Variants in VPS13B observed in about 807,000 individuals in gnomAD.
VPS13B encodes the protein intermembrane lipid transfer protein VPS13B.
In VPS13B, 285 loss-of-function variants were observed where a neutral mutation model predicts 426.4. That is an observed-to-expected ratio of 0.67 (90% confidence interval 0.61 to 0.74). The LOEUF is 0.74. VPS13B is among the 30% of genes least tolerant of loss of function. VPS13B has a pLI of 0.00. For missense variants in VPS13B, 4,537 were observed against 4,782.6 expected, an observed-to-expected ratio of 0.95 and a Z score of 1.51; for synonymous variants, 1,676 against 1,676.4, an observed-to-expected ratio of 1.00 and a Z score of 0.01.
intron 29 of VPS13B, among the ~76,000 whole-genome samples, chr8:99,520,214 G>C (rs1301976278): frequency 6.6e-6 from 1 of 151,914 alleles, no homozygotes; most frequent in Non-Finnish European, 1.5e-5. Flanking sequence ...AAGGGGTCTG[G>C]GGTTCCAATT....
chr8:99,024,232 C>G (rs1842033701), intron 2 of VPS13B, among the ~76,000 whole-genome samples: 1 of 152,186 alleles, frequency 6.6e-6, no homozygotes, highest in Non-Finnish European at 1.5e-5. Flanking sequence ...GAGCAATTGC[C>G]TATTTTAAAA....
intron 34 of VPS13B, 102 bp from the exon 35 acceptor site, chr8:99,661,252 T>C: frequency 6.9e-7 from 1 of 1,443,744 alleles, no homozygotes; most frequent in East Asian, 2.3e-5. Flanking sequence ...TGCAAACAGT[T>C]ATTTAACCAG....
At chr8:99,872,103 C>G (rs926469094) in intron 61 of VPS13B, among the ~76,000 whole-genome samples, 4 of 152,146 alleles carry the variant, frequency 2.6e-5, no homozygotes, top group Non-Finnish European at 5.9e-5. Flanking sequence ...CGCAACTGCT[C>G]CACAAAGGAG....
intron 39 of VPS13B, among the ~76,000 whole-genome samples, chr8:99,726,360 T>C (rs528154579): frequency 6.6e-6 from 1 of 152,270 alleles, no homozygotes; most frequent in Admixed American, 6.5e-5. Context: ...TTTAAATGGG[T>C]CTCAATAAAA....
At chr8:99,610,581 C>G (rs574408021) in intron 33 of VPS13B, among the ~76,000 whole-genome samples, 1 of 148,742 alleles carries the variant, frequency 6.7e-6, no homozygotes, top group Non-Finnish European at 1.5e-5. Flanking sequence ...ACACCAGGGC[C>G]TGTCAGGGGG....
Position 99,832,506 on chromosome 8 carries a change from G to A in VPS13B, c.9468G>A (p.Gln3156=), listed in dbSNP as rs1423791832. 4 of 1,613,722 alleles carry A rather than the reference G, an allele frequency of 2.5e-6. No individual in the cohort carries two copies. In the Admixed American group the frequency reaches 5.0e-5, roughly 20 times the overall value. Residue 3156 remains glutamine, a synonymous_variant, in exon 52 of 62, where the codon CAG becomes CAA. Transcript: ENST00000357162. ...SQSVLDASLL[Q]KQIMLGFSPA... is the part of the protein sequence containing the mutation. ...CAGTACTGGATGCATCCCTGCTTCA[G>A]AAACAGATCATGCTGGGCTTTTCTC... is the stretch of plus-strand genomic sequence containing the variant.
intron 33 of VPS13B, among the ~76,000 whole-genome samples, chr8:99,638,114 A>G (rs1338316723): frequency 6.6e-6 from 1 of 152,088 alleles, no homozygotes; most frequent in Non-Finnish European, 1.5e-5. Context: ...ACTTATTTTG[A>G]TAACAATTAT....
At chr8:99,867,039 A>G (rs1182052804) in intron 58 of VPS13B, among the ~76,000 whole-genome samples, 1 of 152,226 alleles carries the variant, frequency 6.6e-6, no homozygotes, top group Non-Finnish European at 1.5e-5. Context: ...CTGTCAATGC[A>G]TAAACTTAAA....
chr8:99,706,563 A>G (rs886072878), intron 36 of VPS13B, among the ~76,000 whole-genome samples: 1 of 152,130 alleles, frequency 6.6e-6, no homozygotes, highest in Admixed American at 6.6e-5. Flanking sequence ...CCACCTTCAG[A>G]TCTTATCTTT....
intron 33 of VPS13B, among the ~76,000 whole-genome samples, chr8:99,597,479 A>G (rs1222749116): frequency 6.6e-6 from 1 of 152,070 alleles, no homozygotes; most frequent in African/African-American, 2.4e-5. Context: ...CTTGAGAGAC[A>G]AAGTCTTGAT....
Position 99,521,327 on chromosome 8 carries a change from G to C in VPS13B, c.4745+317G>C, listed in dbSNP as rs562538273. On this transcript the variant is annotated intron_variant, in intron 30 of 61. Transcript: ENST00000357162. The stretch of plus-strand genomic sequence containing the variant: ...ATCACATAAGAAAACGAGGTCCTCT[G>C]TAGAACCACCACATCCTACTGTAGT... Among the ~76,000 whole-genome samples the C allele has an allele frequency of 4.7e-4, 72 of 152,316 alleles. 1 individual carries two copies. Among genetic ancestry groups the C allele is most frequent in the African/African-American group, 1.7e-3 (70 of 41,576 alleles).
In VPS13B at chr8:99,832,478, A is replaced by C; in HGVS notation, c.9440A>C (p.Gln3147Pro). The change falls in exon 52 of 62, where the codon CAG becomes CCG. Residue 3147 changes from glutamine to proline, a missense_variant. Coordinates refer to ENST00000357162, the MANE Select transcript of VPS13B (RefSeq NM_152564.5). ...PCWDLMPDISQSVLDASLLQK... is the reference protein window; with the variant it reads ...PCWDLMPDISPSVLDASLLQK... ...TGGGACTTGATGCCTGACATCAGTC[A>C]GTCAGTACTGGATGCATCCCTGCTT... 1 of 1,612,806 alleles carries C rather than the reference A, an allele frequency of 6.2e-7. No individual in the cohort carries two copies. The highest frequency in any genetic ancestry group is 1.7e-5 in the Admixed American group (1 of 59,820).
chr8:99,546,307 G>A (rs933878246), intron 30 of VPS13B, among the ~76,000 whole-genome samples: 9 of 150,736 alleles, frequency 6.0e-5, no homozygotes, highest in African/African-American at 2.2e-4. Flanking sequence ...CTAATCTGTT[G>A]CCTTGGAATT....
chr8:99,873,201 G>A (rs1817520168), intron 61 of VPS13B: 1 of 152,116 alleles, frequency 6.6e-6, no homozygotes, highest in South Asian at 2.1e-4. Context: ...AAACTATTAA[G>A]ACTGCAGATT....
intron 33 of VPS13B, among the ~76,000 whole-genome samples, chr8:99,611,637 C>A (rs1827849039): frequency 6.6e-6 from 1 of 151,642 alleles, no homozygotes; most frequent in Admixed American, 6.6e-5. Flanking sequence ...ATTTCACTAC[C>A]CTAAAACAGC....
At chr8:99,794,162 T>C (rs573657250) in intron 43 of VPS13B, among the ~76,000 whole-genome samples, 2 of 152,322 alleles carry the variant, frequency 1.3e-5, no homozygotes, top group East Asian at 1.9e-4. Context: ...TTAGTCCTTT[T>C]CCCCTAACTA....
chr8:99,831,076 C>CTTTTTTTTTCTT lies in VPS13B; in HGVS notation c.9331-1284_9331-1283insCTTTTTTTTTTT, dbSNP rs1554573285. On this transcript the variant is annotated intron_variant, in intron 51 of 61. Coordinates refer to ENST00000357162, the MANE Select transcript of VPS13B (RefSeq NM_152564.5). Reference sequence around the variant, plus strand: ...CTTGCCCGGGAATTGGTGTTTTTTTCTTTTTTTTTTTTTTGAGATAGAGTC... The same window carrying CTTTTTTTTTCTT: ...CTTGCCCGGGAATTGGTGTTTTTTTCTTTTTTTTTCTTTTTTTTTTTTTTTTGAGATAGAGTC... Among the ~76,000 whole-genome samples the CTTTTTTTTTCTT allele has an allele frequency of 4.2e-5, 5 of 120,084 alleles. 1 individual carries two copies. The highest frequency in any genetic ancestry group is 2.6e-4 in the East Asian group (1 of 3,838). 78.8% of individuals were successfully genotyped at this position (120,084 alleles called of 152,430 possible).
chr8:99,616,776 G>T (rs540851034), intron 33 of VPS13B, among the ~76,000 whole-genome samples: 1 of 152,348 alleles, frequency 6.6e-6, no homozygotes, highest in East Asian at 1.9e-4. Flanking sequence ...GGTGAGCCGA[G>T]ATTGCACCAG....
intron 17 of VPS13B, among the ~76,000 whole-genome samples, chr8:99,220,368 G>A (rs1179873696): frequency 6.6e-6 from 1 of 152,088 alleles, no homozygotes; most frequent in Non-Finnish European, 1.5e-5. Flanking sequence ...CTGATGGTTT[G>A]GCATGTTAAT....
Sources: gnomAD v4.1 joint callset for allele counts (sites outside exome capture counted in the v4.1 genomes callset) on GRCh38, gnomAD v4.1.1 for gene constraint, MANE v1.5 for transcripts, NCBI Gene and HGNC (gene_info 2026-07-23, HGNC 2026-07-21) for gene names.